DPP10: variants seen among roughly 807,000 people sequenced by gnomAD.
The protein encoded by DPP10 is inactive dipeptidyl peptidase 10.
A neutral mutation model predicts 120.9 loss-of-function variants in DPP10; 33 were observed. That is an observed-to-expected ratio of 0.27 (90% confidence interval 0.21 to 0.37). The LOEUF is 0.37. DPP10 is among the 10% of genes least tolerant of loss of function. The pLI is 1.00. For synonymous variants in DPP10, 337 were observed against 326.1 expected (o/e 1.03, Z -0.36); for missense variants, 816 against 942.8 (o/e 0.87, Z 1.76).
chr2:114,945,682 G>A (rs952994716), intron 1 of DPP10, among the ~76,000 whole-genome samples: 16 of 152,020 alleles, frequency 1.1e-4, no homozygotes, highest in African/African-American at 2.2e-4. Context: ...TGGGCATGGC[G>A]GCGGACACCT....
intron 4 of DPP10, among the ~76,000 whole-genome samples, chr2:115,521,241 C>T (rs1027715157): frequency 2.6e-5 from 4 of 152,156 alleles, no homozygotes; most frequent in East Asian, 1.9e-4. Flanking sequence ...CTGGCCCACC[C>T]GGTAGAGCAT....
chr2:115,797,435 AC>A (rs1484172500), intron 19 of DPP10, among the ~76,000 whole-genome samples: 1 of 151,920 alleles, frequency 6.6e-6, no homozygotes, highest in Non-Finnish European at 1.5e-5. Flanking sequence ...ATCTACTTTT[AC>A]CCTCAGTTTC....
intron 8 of DPP10, among the ~76,000 whole-genome samples, chr2:115,734,655 TAAAA>T (rs55950813): frequency 0.22 from 21,989 of 99,860 alleles, 2,424 homozygotes; most frequent in Admixed American, 0.31. Context: ...GACTCTGTCT[TAAAA>T]AAAAAAAAAA....
At chr2:114,453,080 C>G (rs1678376185) in intron 1 of DPP10, among the ~76,000 whole-genome samples, 1 of 151,914 alleles carries the variant, frequency 6.6e-6, no homozygotes, top group Non-Finnish European at 1.5e-5. Context: ...AATATTGGAT[C>G]CTGTTGAAAA....
intron 5 of DPP10, among the ~76,000 whole-genome samples, chr2:115,652,010 C>T (rs1461280240): frequency 2.6e-5 from 4 of 152,102 alleles, no homozygotes; most frequent in South Asian, 2.1e-4. Flanking sequence ...TATGAGAATT[C>T]GAATTCAGAC....
At chr2:114,970,737 A>G (rs1289955329) in intron 1 of DPP10, among the ~76,000 whole-genome samples, 1 of 152,210 alleles carries the variant, frequency 6.6e-6, no homozygotes, top group African/African-American at 2.4e-5. Flanking sequence ...ATTTAACAAT[A>G]CAGTTGTACA....
chr2:114,965,955 A>T (rs1302346252), intron 1 of DPP10, among the ~76,000 whole-genome samples: 1 of 110,184 alleles, frequency 9.1e-6, no homozygotes, highest in African/African-American at 3.5e-5. Context: ...GCAGAGCGAG[A>T]CTCCTTCTCA....
chr2:115,030,767 A>G lies in DPP10; in HGVS notation c.61-278472A>G, dbSNP rs185110575. ...GTTTTCTGTTCCTGCATCAGTTTGC[A>G]TGCTGGTGAGGTTGTGGAGAAAAAG... On this transcript the variant is annotated intron_variant, in intron 1 of 25. Coordinates refer to ENST00000410059, the MANE Select transcript of DPP10 (RefSeq NM_020868.6). 1.2e-4 allele frequency among the ~76,000 whole-genome samples: 18 copies of G among 152,218 alleles called. No individual in the cohort carries two copies. The South Asian group carries it at 1.9e-3, about 16-fold the overall frequency.
chr2:115,170,176 G>C (rs754215184), intron 1 of DPP10, among the ~76,000 whole-genome samples: 2 of 152,198 alleles, frequency 1.3e-5, no homozygotes. Context: ...TGAAAACTCT[G>C]ATATTCATAC....
chr2:114,938,642 T>C (rs1452053786), intron 1 of DPP10, among the ~76,000 whole-genome samples: 2 of 152,040 alleles, frequency 1.3e-5, no homozygotes, highest in Non-Finnish European at 2.9e-5. Context: ...ACTTAATTTA[T>C]TTAATTTGTA....
chr2:115,003,050 G>A (rs749269792), intron 1 of DPP10, among the ~76,000 whole-genome samples: 2 of 151,196 alleles, frequency 1.3e-5, no homozygotes, highest in South Asian at 4.2e-4. Context: ...TATCATAAAG[G>A]AACATACATC....
At chr2:114,461,546 C>A in intron 1 of DPP10, 1 of 978,308 alleles carries the variant, frequency 1.0e-6, no homozygotes. Context: ...AATGATCAAC[C>A]TCCTTTTCTA....
intron 1 of DPP10, among the ~76,000 whole-genome samples, chr2:114,932,178 C>A (rs1696122002): frequency 6.6e-5 from 10 of 152,174 alleles, no homozygotes; most frequent in Admixed American, 6.5e-4. Context: ...GGCTATAGAG[C>A]CAGGCAATTT....
chr2:114,700,992 C>A (rs1259610084), intron 1 of DPP10, among the ~76,000 whole-genome samples: 1 of 151,946 alleles, frequency 6.6e-6, no homozygotes, highest in Non-Finnish European at 1.5e-5. Flanking sequence ...CGTGTAGGAG[C>A]TTTGTGATGG....
At chr2:114,828,327 A>G (rs917765445) in intron 1 of DPP10, 1 of 152,232 alleles carries the variant, frequency 6.6e-6, no homozygotes, top group African/African-American at 2.4e-5. Context: ...ATATACAATT[A>G]TATAATTCAA....
intron 1 of DPP10, among the ~76,000 whole-genome samples, chr2:114,540,326 C>CA (rs1034309013): frequency 3.9e-5 from 6 of 152,154 alleles, no homozygotes; most frequent in African/African-American, 1.4e-4. Context: ...GAATCTGAGA[C>CA]AGATTGTTGT....
At chr2:115,692,464 T>C (rs756665829) in intron 7 of DPP10, among the ~76,000 whole-genome samples, 36 of 152,082 alleles carry the variant, frequency 2.4e-4, no homozygotes, top group Non-Finnish European at 4.7e-4. Flanking sequence ...TAATTTGAAC[T>C]ATGTTGTAAA....
At chr2:115,609,976 A>G (rs1263174810) in intron 5 of DPP10, among the ~76,000 whole-genome samples, 1 of 152,210 alleles carries the variant, frequency 6.6e-6, no homozygotes, top group Admixed American at 6.5e-5. Context: ...ACAGTTATCA[A>G]TTGCAGAATA....
chr2:115,702,262 T>C (rs2091922850), intron 7 of DPP10, among the ~76,000 whole-genome samples: 1 of 152,012 alleles, frequency 6.6e-6, no homozygotes, highest in Admixed American at 6.6e-5. Context: ...GCATTTAAAA[T>C]GGTACAGCCT....
Sources: allele counts gnomAD v4.1 joint callset (sites outside exome capture counted in the v4.1 genomes callset), GRCh38; gene constraint gnomAD v4.1.1; transcripts MANE v1.5; gene names NCBI Gene and HGNC (gene_info 2026-07-23, HGNC 2026-07-21).